Variants in COTL1 observed in about 807,000 individuals in gnomAD.
COTL1 encodes coactosin like F-actin binding protein 1.
A neutral mutation model predicts 16.5 loss-of-function variants in COTL1; 15 were observed. That is an observed-to-expected ratio of 0.91 (90% CI 0.61 to 1.40). The LOEUF is 1.40. Among genes scored for constraint, COTL1 ranks in the 40% most tolerant of loss-of-function variants. The pLI is 0.00. For missense variants in COTL1, 220 were observed against 201.5 expected (o/e 1.09, Z -0.56); for synonymous variants, 112 against 85.3 (o/e 1.31, Z -1.73).
At chr16:84,580,553 T>G (rs1168585215) in intron 3 of COTL1, among the ~76,000 whole-genome samples, 1 of 152,192 alleles carries the variant, frequency 6.6e-6, no homozygotes, top group Admixed American at 6.5e-5. Flanking sequence ...ACAAAGCAGA[T>G]GCATCGCTTT....
At chr16:84,586,350 C>T (rs1904733168) in intron 3 of COTL1, among the ~76,000 whole-genome samples, 1 of 152,208 alleles carries the variant, frequency 6.6e-6, no homozygotes, top group Admixed American at 6.5e-5. Flanking sequence ...CCTAAAGGTT[C>T]CCAGCAGGGA....
chr16:84,590,581 T>C lies in COTL1; in HGVS notation c.161-319A>G, dbSNP rs924738583. The C allele has an allele frequency of 9.0e-5, 19 of 210,192 alleles. No homozygotes were observed. Among genetic ancestry groups the C allele is most frequent in the Admixed American group, 4.0e-4 (7 of 17,286 alleles). 13.0% of individuals were successfully genotyped at this position (210,192 alleles called of 1,614,324 possible). On this transcript the variant is annotated intron_variant, in intron 2 of 3. Transcript: ENST00000262428. This position sits in a 1 kb window ranked among gnomAD's most constrained non-coding sequence, Gnocchi z 5.5. ...TCATGCTGGGATTTAAACCCAGGCC[T>C]TTCTGGCTGCAACGCCTACAGCCTT... is the stretch of plus-strand genomic sequence containing the variant.
At chr16:84,578,578 C>T (rs1225408925) in intron 3 of COTL1, among the ~76,000 whole-genome samples, 1 of 152,166 alleles carries the variant, frequency 6.6e-6, no homozygotes, top group Admixed American at 6.5e-5. Context: ...GGAACAGACA[C>T]ACACAGGCAT....
chr16:84,575,271 C>G (rs1276711304), intron 3 of COTL1: 1 of 152,362 alleles, frequency 6.6e-6, no homozygotes, highest in South Asian at 2.1e-4. Flanking sequence ...CTCCGGACCT[C>G]AGGTGATCCA....
chr16:84,580,907 G>A (rs1244686911), intron 3 of COTL1, among the ~76,000 whole-genome samples: 1 of 152,188 alleles, frequency 6.6e-6, no homozygotes. Context: ...ACTTTGGGAG[G>A]CTGAGGCGGG....
At chr16:84,617,449 G>A (rs1905520053) in intron 2 of COTL1, 52 bp downstream of exon 2, 1 of 1,509,500 alleles carries the variant, frequency 6.6e-7, no homozygotes, top group Admixed American at 2.0e-5. Context: ...CTCCCCGGGT[G>A]CAGACAACCT....
intron 2 of COTL1, among the ~76,000 whole-genome samples, chr16:84,615,761 G>A (rs1345062257): frequency 1.3e-5 from 2 of 152,138 alleles, no homozygotes; most frequent in South Asian, 2.1e-4. Context: ...TCTCCACATC[G>A]TTGCAGTGCT....
chr16:84,616,759 G>A (rs1905496551), intron 2 of COTL1, among the ~76,000 whole-genome samples: 2 of 152,272 alleles, frequency 1.3e-5, no homozygotes, highest in African/African-American at 2.4e-5. Context: ...AAGCCACAGG[G>A]AAGTGCCTAA....
chr16:84,616,201 A>T, intron 2 of COTL1: 1 of 152,312 alleles, frequency 6.6e-6, no homozygotes, highest in East Asian at 1.9e-4. Flanking sequence ...CCGTTCAGGG[A>T]TTCGAACCCA....
At chr16:84,574,371 G>C (rs1433787118) in intron 3 of COTL1, among the ~76,000 whole-genome samples, 1 of 152,214 alleles carries the variant, frequency 6.6e-6, no homozygotes, top group Non-Finnish European at 1.5e-5. Flanking sequence ...ACATGTGTCA[G>C]TCTGGGGGCA....
chr16:84,595,907 T>C (rs1480754790), intron 2 of COTL1: 1 of 150,702 alleles, frequency 6.6e-6, no homozygotes, highest in Non-Finnish European at 1.5e-5. Flanking sequence ...CATGTATGTG[T>C]ATGTGTGTGT....
rs529013178 is a variant in COTL1, at chr16:84,571,090, C to T, written c.319-4135G>A. On this transcript the variant is annotated intron_variant, in intron 3 of 3. Coordinates refer to ENST00000262428, the MANE Select transcript of COTL1 (RefSeq NM_021149.5). ...CCCCAGATTCTCTGTTCGGAAGAAT[C>T]CTGACATACTGCCTCCAGGGGTGGG... Among the ~76,000 whole-genome samples, 5 of 152,250 alleles carry T rather than the reference C, an allele frequency of 3.3e-5. No homozygotes were observed. In the South Asian group the frequency reaches 1.0e-3, roughly 32 times the overall value.
chr16:84,615,940 T>C (rs980083030), intron 2 of COTL1: 1 of 152,022 alleles, frequency 6.6e-6, no homozygotes, highest in East Asian at 1.9e-4. Flanking sequence ...ACCCTTTGAA[T>C]TGAACTAAAT....
rs1391540848 is a variant in COTL1, at chr16:84,581,164, A to ATGTATGTATGTATGTATGTATGTATGT, written c.318+8940_318+8941insACATACATACATACATACATACATACA. Among the ~76,000 whole-genome samples, 567 of 147,014 alleles carry ATGTATGTATGTATGTATGTATGTATGT rather than the reference A, an allele frequency of 3.9e-3. 1 individual carries two copies. The highest frequency in any genetic ancestry group is 4.9e-3 in the African/African-American group (190 of 38,690). ...CTAAAAACAAACAAACAAACAAATA[A>ATGTATGTATGTATGTATGTATGTATGT]ATATATGTATGTATGTATGTATGTA... On this transcript the variant is annotated intron_variant, in intron 3 of 3. Coordinates refer to ENST00000262428, the MANE Select transcript of COTL1 (RefSeq NM_021149.5).
chr16:84,590,018 C>G lies in COTL1; in HGVS notation c.318+87G>C. On this transcript the variant is annotated intron_variant, in intron 3 of 3. Transcript: ENST00000262428. This position sits in a 1 kb window ranked among gnomAD's most constrained non-coding sequence, Gnocchi z 5.5. The stretch of plus-strand genomic sequence containing the variant: ...CCCAAGTCACAGCTAAGCTACAGAC[C>G]CAGGAGTCGAACCCAGCCCTCTCCC... The G allele has an allele frequency of 7.2e-7, 1 of 1,384,764 alleles. No individual in the cohort carries two copies. The highest frequency in any genetic ancestry group is 2.0e-5 in the Admixed American group (1 of 50,708). The allele number at this position is 1,384,764 out of a possible 1,614,324, so 85.8% of individuals were successfully genotyped here. A position where few individuals can be genotyped will look rare whatever the true frequency, so the allele number is the denominator to read the frequency against.
chr16:84,579,587 G>A (rs767309185), intron 3 of COTL1, among the ~76,000 whole-genome samples: 9 of 152,216 alleles, frequency 5.9e-5, no homozygotes, highest in Non-Finnish European at 7.3e-5. Flanking sequence ...AGGGCTCCAC[G>A]GGAAGGGGCA....
intron 3 of COTL1, among the ~76,000 whole-genome samples, chr16:84,586,424 G>C (rs1354712606): frequency 6.6e-6 from 1 of 152,158 alleles, no homozygotes; most frequent in Non-Finnish European, 1.5e-5. Context: ...GAGTTCTAGA[G>C]AGGAAAGAAA....
At chr16:84,607,374 C>T (rs1005176643) in intron 2 of COTL1, among the ~76,000 whole-genome samples, 2 of 152,110 alleles carry the variant, frequency 1.3e-5, no homozygotes, top group African/African-American at 4.8e-5. Context: ...GAGCCTCGGA[C>T]ACAGATCTGG....
chr16:84,612,841 C>G (rs1481067403), intron 2 of COTL1, among the ~76,000 whole-genome samples: 1 of 152,128 alleles, frequency 6.6e-6, no homozygotes, highest in Non-Finnish European at 1.5e-5. Flanking sequence ...TTCAGTGAAC[C>G]CTCCCAGTCA....
Sources: allele counts gnomAD v4.1 joint callset (sites outside exome capture counted in the v4.1 genomes callset), GRCh38; gene constraint gnomAD v4.1.1; non-coding constraint Gnocchi (gnomAD v3.1); transcripts MANE v1.5; gene names NCBI Gene and HGNC (gene_info 2026-07-23, HGNC 2026-07-21).